ELP4: variants seen among roughly 807,000 people sequenced by gnomAD.
The protein encoded by ELP4 is elongator complex protein 4.
In ELP4, 51 loss-of-function variants were observed where a neutral mutation model predicts 48.9. The observed-to-expected ratio is 1.04, with a 90% confidence interval of 0.83 to 1.32. ELP4 has a LOEUF of 1.32. Ranked by LOEUF, ELP4 falls within the 40% of genes most tolerant of loss-of-function variation. The pLI is 0.00. For synonymous variants in ELP4, 210 were observed against 189.2 expected (o/e 1.11, Z -0.90); for missense variants, 519 against 514.6 (o/e 1.01, Z -0.08).
chr11:31,764,167 G>C (rs974167268), intron 9 of ELP4, among the ~76,000 whole-genome samples: 1 of 152,090 alleles, frequency 6.6e-6, no homozygotes, highest in Non-Finnish European at 1.5e-5. Context: ...ACAATATTGC[G>C]ATAATGTCTA....
At chr11:31,737,617 C>A (rs756743877) in intron 9 of ELP4, among the ~76,000 whole-genome samples, 1 of 152,034 alleles carries the variant, frequency 6.6e-6, no homozygotes, top group Non-Finnish European at 1.5e-5. Flanking sequence ...ATAGAGAACG[C>A]CTATAACTGA....
rs149900731 is a variant in ELP4 at position 31,652,912 on chromosome 11, T to A, written c.1143+2691T>A. 117 of 151,876 alleles carry A rather than the reference T, an allele frequency of 7.7e-4. 1 individual carries two copies. The highest frequency in any genetic ancestry group is 2.5e-3 in the African/African-American group (105 of 41,520). 9.4% of individuals were successfully genotyped at this position (151,876 alleles called of 1,614,324 possible). A position where few individuals can be genotyped will look rare whatever the true frequency, so the allele number is the denominator to read the frequency against. On this transcript the variant is annotated intron_variant, in intron 9 of 9. Coordinates refer to ENST00000640961, the MANE Select transcript of ELP4 (RefSeq NM_019040.5). ...AGACAAGCACTCTCATCTCTATTTT[T>A]AGGGCAACTTTTTTTTAATTTGTTA... is the stretch of plus-strand genomic sequence containing the variant.
chr11:31,562,993 G>A (rs545373116), intron 3 of ELP4, among the ~76,000 whole-genome samples: 1 of 152,200 alleles, frequency 6.6e-6, no homozygotes, highest in South Asian at 2.1e-4. Context: ...CAATGAATCA[G>A]TAATATCTTT....
intron 7 of ELP4, among the ~76,000 whole-genome samples, chr11:31,634,464 A>C (rs2134049663): frequency 6.6e-6 from 1 of 152,176 alleles, no homozygotes; most frequent in Middle Eastern, 3.4e-3. Flanking sequence ...CTGTGAGAAA[A>C]CAGAAAGAAA....
At chr11:31,748,115 T>G (rs939802118) in intron 9 of ELP4, among the ~76,000 whole-genome samples, 1 of 152,214 alleles carries the variant, frequency 6.6e-6, no homozygotes, top group African/African-American at 2.4e-5. Flanking sequence ...TAGAACATCC[T>G]CCAATTGTTT....
At chr11:31,736,514 G>C (rs1252493345) in intron 9 of ELP4, among the ~76,000 whole-genome samples, 2 of 152,132 alleles carry the variant, frequency 1.3e-5, no homozygotes, top group Admixed American at 1.3e-4. Flanking sequence ...CACAGCAAAA[G>C]AAACTACCAT....
At chr11:31,579,242 C>T (rs528281969) in intron 3 of ELP4, among the ~76,000 whole-genome samples, 1 of 152,338 alleles carries the variant, frequency 6.6e-6, no homozygotes, top group East Asian at 1.9e-4. Flanking sequence ...GAGATACCAT[C>T]TCACACCAGT....
chr11:31,561,473 G>T (rs983001633), intron 3 of ELP4, among the ~76,000 whole-genome samples: 1 of 151,622 alleles, frequency 6.6e-6, no homozygotes, highest in Admixed American at 6.6e-5. Flanking sequence ...ATGGAGTATC[G>T]CTCTGTTGCC....
chr11:31,564,668 G>A (rs993720293), intron 3 of ELP4, among the ~76,000 whole-genome samples: 15 of 152,046 alleles, frequency 9.9e-5, no homozygotes, highest in African/African-American at 3.4e-4. Flanking sequence ...TGAGAATGAT[G>A]GTTTCCAGCT....
At chr11:31,589,838 T>A (rs560118137) in intron 3 of ELP4, among the ~76,000 whole-genome samples, 2 of 152,348 alleles carry the variant, frequency 1.3e-5, no homozygotes, top group African/African-American at 4.8e-5. Flanking sequence ...ACAAAAAACA[T>A]CTTTATCAGT....
intron 9 of ELP4, among the ~76,000 whole-genome samples, chr11:31,746,166 T>C (rs910330368): frequency 6.6e-6 from 1 of 152,060 alleles, no homozygotes; most frequent in African/African-American, 2.4e-5. Context: ...ATCAGAGAAA[T>C]GCAAATCAAA....
intron 2 of ELP4, among the ~76,000 whole-genome samples, chr11:31,539,023 G>A (rs970424002): frequency 2.0e-5 from 3 of 152,020 alleles, no homozygotes; most frequent in African/African-American, 7.3e-5. Context: ...TTTAAGTATT[G>A]GTATTATTTT....
At chr11:31,667,842 G>A (rs919531269) in intron 9 of ELP4, among the ~76,000 whole-genome samples, 1 of 152,086 alleles carries the variant, frequency 6.6e-6, no homozygotes, top group East Asian at 1.9e-4. Context: ...ACTCAGACTG[G>A]ATTTTGTGCT....
At chr11:31,635,241 A>G (rs1441535377) in intron 7 of ELP4, among the ~76,000 whole-genome samples, 2 of 152,022 alleles carry the variant, frequency 1.3e-5, no homozygotes, top group Non-Finnish European at 2.9e-5. Flanking sequence ...AGGTAATCAA[A>G]GATGTACGAA....
chr11:31,520,988 T>C (rs1226535509), intron 2 of ELP4, among the ~76,000 whole-genome samples: 7 of 152,066 alleles, frequency 4.6e-5, no homozygotes, highest in Non-Finnish European at 1.0e-4. Context: ...AAAATAAATA[T>C]GTTAATCTAG....
At chr11:31,741,202 G>A (rs977879534) in intron 9 of ELP4, among the ~76,000 whole-genome samples, 2 of 152,186 alleles carry the variant, frequency 1.3e-5, no homozygotes, top group African/African-American at 2.4e-5. Context: ...AGGGGCGCCC[G>A]CCATAGCCGA....
At chr11:31,607,513 T>A (rs1201617320) in intron 5 of ELP4, among the ~76,000 whole-genome samples, 2 of 152,162 alleles carry the variant, frequency 1.3e-5, no homozygotes, top group African/African-American at 4.8e-5. Context: ...TGTGAAGCCT[T>A]CTATATAAGG....
rs547018730 is a variant in ELP4, at chr11:31,637,846, C to T, written c.927+5441C>T. Among the ~76,000 whole-genome samples the T allele has an allele frequency of 1.5e-3, 226 of 151,856 alleles. 2 individuals are homozygous for T. The highest frequency in any genetic ancestry group is 5.2e-3 in the African/African-American group (215 of 41,484). On this transcript the variant is annotated intron_variant, in intron 7 of 9. Coordinates refer to ENST00000640961, the MANE Select transcript of ELP4 (RefSeq NM_019040.5). ...AGTTGTGTGCTTCAAGAAATGGTGA[C>T]CAATAACACTTATTCTTTTTGGAAA... is the stretch of plus-strand genomic sequence containing the variant.
chr11:31,638,208 C>T (rs1945021165), intron 7 of ELP4, among the ~76,000 whole-genome samples: 1 of 151,708 alleles, frequency 6.6e-6, no homozygotes, highest in South Asian at 2.1e-4. Flanking sequence ...AGAATGAAAA[C>T]TCCTTTGACA....
Sources: gnomAD v4.1 joint callset for allele counts (sites outside exome capture counted in the v4.1 genomes callset) on GRCh38, gnomAD v4.1.1 for gene constraint, MANE v1.5 for transcripts, NCBI Gene and HGNC (gene_info 2026-07-23, HGNC 2026-07-21) for gene names.